USE1: variants seen among roughly 807,000 people sequenced by gnomAD.
USE1 encodes the protein vesicle transport protein USE1.
In USE1, 32 loss-of-function variants were observed where a neutral mutation model predicts 37.6. The observed-to-expected ratio is 0.85, with a 90% CI of 0.64 to 1.14. The LOEUF (loss-of-function observed/expected upper bound fraction) is 1.14. Ranked by LOEUF, USE1 falls within the 50% of genes most tolerant of loss-of-function variation. The pLI, the probability that USE1 is intolerant of heterozygous loss-of-function variation, is 0.00. For missense variants in USE1, 310 were observed against 332.2 expected (o/e 0.93, Z 0.52); for synonymous variants, 149 against 137.6 (o/e 1.08, Z -0.58).
At chr19:17,217,600 A>G in intron 5 of USE1, 138 bp downstream of exon 5, 2 of 1,277,162 alleles carry the variant, frequency 1.6e-6, no homozygotes, top group East Asian at 5.4e-5. Flanking sequence ...CACCTGGAGG[A>G]AGAGCCAGGA....
chr19:17,216,482 T>C, intron 4 of USE1, 161 bp downstream of exon 4: 1 of 1,043,820 alleles, frequency 9.6e-7, no homozygotes, highest in Non-Finnish European at 1.4e-6. Flanking sequence ...CAGAGGGGCA[T>C]TGTGGCTAAG....
rs768507747 is a variant in USE1 at position 17,219,700 on chromosome 19, G to A, written c.667G>A (p.Glu223Lys). 6.2e-7 allele frequency: 1 copy of A among 1,613,414 alleles called. No homozygotes were observed. The highest frequency in any genetic ancestry group is 8.5e-7 in the Non-Finnish European group (1 of 1,179,464). The change falls in exon 8 of 8, where the codon GAG becomes AAG. Residue 223 changes from glutamate to lysine, a missense_variant. Transcript: ENST00000263897. The stretch of plus-strand genomic sequence containing the variant: ...ACTGAAGACGGAGTCAGAGCGTCTG[G>A]AGCAGCACACGCAGAAGTCAGTCAA... ...EKLKTESERL[E>K]QHTQKSVNWL...
intron 1 of USE1, 69 bp from the exon 2 acceptor site, chr19:17,215,733 C>T: frequency 7.5e-7 from 1 of 1,333,742 alleles, no homozygotes. Flanking sequence ...TTGTCGGCCC[C>T]GCCCCCCCGA....
rs966702326 is a variant in USE1, at chr19:17,219,287, A to G, written c.497A>G (p.Gln166Arg). The change falls in exon 7 of 8, where the codon CAG becomes CGG. Residue 166 changes from glutamine to arginine, a missense_variant. By Grantham distance (43) the Gln-to-Arg change is conservative. Transcript: ENST00000263897. ...CTAGACCTCGTCCTGCAGCGACATC[A>G]GAACCTCCAGGAAAAGCTGGCGGAA... ...AELDLVLQRH[Q>R]NLQEKLAEEM... 6.2e-7 allele frequency: 1 copy of G among 1,613,558 alleles called. No individual in the cohort carries two copies. The highest frequency in any genetic ancestry group is 8.5e-7 in the Non-Finnish European group (1 of 1,179,800).
At chr19:17,218,035 G>C in intron 5 of USE1, 1 of 361,974 alleles carries the variant, frequency 2.8e-6, no homozygotes, top group African/African-American at 2.1e-5. Context: ...AGTGAGCTGA[G>C]ATTGCGCCAG....
intron 4 of USE1, 100 bp downstream of exon 4, chr19:17,216,421 C>A: frequency 6.7e-7 from 1 of 1,487,866 alleles, no homozygotes; most frequent in Non-Finnish European, 9.0e-7. Flanking sequence ...TACAGGAACC[C>A]TAAGGGGGTC....
intron 5 of USE1, chr19:17,217,952 G>A (rs1555708184): frequency 2.3e-5 from 8 of 353,836 alleles, no homozygotes; most frequent in African/African-American, 8.6e-5. Flanking sequence ...GCGTGGTGAC[G>A]CACACCTGTA....
chr19:17,218,142 G>C, intron 5 of USE1: 5 of 573,808 alleles, frequency 8.7e-6, no homozygotes, highest in Non-Finnish European at 1.3e-5. Context: ...ATGGGACCAA[G>C]GCTAGGCTGG....
At chr19:17,216,866 T>C (rs2145544710) in intron 4 of USE1, among the ~76,000 whole-genome samples, 1 of 151,950 alleles carries the variant, frequency 6.6e-6, no homozygotes, top group Non-Finnish European at 1.5e-5. Context: ...TAATCCCAGC[T>C]ACTCGGGAGG....
Position 17,216,089 on chromosome 19 carries a change from G to T in USE1, c.231+19G>T. On this transcript the variant is annotated intron_variant, in intron 3 of 7. Transcript: ENST00000263897. ...GAAGCTGGTGAGAAGGGGTGCCCCT[G>T]CCCCCTCAGCCCCCATCACCGCTCA... is the stretch of plus-strand genomic sequence containing the variant. 1 of 1,613,140 alleles carries T rather than the reference G, an allele frequency of 6.2e-7. No homozygotes were observed. The highest frequency in any genetic ancestry group is 8.5e-7 in the Non-Finnish European group (1 of 1,179,664).
chr19:17,218,280 GTAGACC>G, intron 5 of USE1, 78 bp from the exon 6 acceptor site: 1 of 1,584,144 alleles, frequency 6.3e-7, no homozygotes, highest in Non-Finnish European at 8.6e-7. Context: ...ATTCCAAGCA[GTAGACC>G]CAGCACAGGC....
At chr19:17,217,533 C>A in intron 5 of USE1, 71 bp downstream of exon 5, 1 of 1,579,850 alleles carries the variant, frequency 6.3e-7, no homozygotes. Flanking sequence ...CTTGCTGCCC[C>A]GGGGCCTCCA....
chr19:17,219,138 A>G (rs578247773), intron 6 of USE1, 75 bp from the exon 7 acceptor site: 4 of 1,513,346 alleles, frequency 2.6e-6, no homozygotes, highest in East Asian at 4.6e-5. Flanking sequence ...AAAAAAAAAA[A>G]AAAGAAAATG....
At chr19:17,218,103 A>C (rs991653360) in intron 5 of USE1, 2 of 451,488 alleles carry the variant, frequency 4.4e-6, no homozygotes, top group African/African-American at 4.0e-5. Context: ...CAAATAAATA[A>C]ATTTTTTAAA....
chr19:17,219,625 C>T lies in USE1; in HGVS notation c.598-6C>T, dbSNP rs1333478056. The T allele has an allele frequency of 1.3e-6, 2 of 1,595,262 alleles. No individual in the cohort carries two copies. Among genetic ancestry groups the T allele is most frequent in the African/African-American group, 1.3e-5 (1 of 74,656 alleles). ...CCTGTTGACACCTTTTCCACCTCCC[C>T]CACAGACCCTGTCACACTCACTGAA... On this transcript the variant is annotated splice_region_variant and splice_polypyrimidine_tract_variant and intron_variant, in intron 7 of 7. Transcript: ENST00000263897.
chr19:17,216,972 C>A (rs1347204589), intron 4 of USE1, among the ~76,000 whole-genome samples: 1 of 150,880 alleles, frequency 6.6e-6, no homozygotes, highest in Non-Finnish European at 1.5e-5. Context: ...GAGTGAAACT[C>A]CGTCTCAAAA....
At chr19:17,215,594 C>G (rs2073283666) in intron 1 of USE1, 87 bp downstream of exon 1, 1 of 1,471,990 alleles carries the variant, frequency 6.8e-7, no homozygotes, top group Non-Finnish European at 9.2e-7. Context: ...ACTCCCCGGC[C>G]CCAGTAGCCT....
In USE1 at chr19:17,215,449, C is replaced by A. The variant is rs982954543; in HGVS notation, c.44C>A (p.Ser15Tyr). 1.3e-6 allele frequency: 2 copies of A among 1,563,324 alleles called. No homozygotes were observed. The highest frequency in any genetic ancestry group is 1.7e-6 in the Non-Finnish European group (2 of 1,155,620). ...GAGCTAAACCTGGTGCGGCTGCTAT[C>A]CCGCTGCGAGGCGATGGCAGCGGAG... ...RLELNLVRLL[S>Y]RCEAMAAEKR... The change falls in exon 1 of 8, where the codon TCC becomes TAC. Residue 15 changes from serine (S) to tyrosine (Y), a missense_variant. Ser to Tyr is a moderately radical substitution (Grantham distance 144). Transcript: ENST00000263897.
chr19:17,215,616 C>G, intron 1 of USE1, 109 bp downstream of exon 1: 1 of 1,416,020 alleles, frequency 7.1e-7, no homozygotes, highest in Non-Finnish European at 9.5e-7. Flanking sequence ...TCGGGCAGCG[C>G]CCTTTCCGGT....
Sources: gnomAD v4.1 joint callset for allele counts (sites outside exome capture counted in the v4.1 genomes callset) on GRCh38, gnomAD v4.1.1 for gene constraint, MANE v1.5 for transcripts, NCBI Gene and HGNC (gene_info 2026-07-23, HGNC 2026-07-21) for gene names.